The following SPATA4 variants were observed in gnomAD, a reference collection of about 807,000 sequenced individuals.
The protein encoded by SPATA4 is spermatogenesis associated 4, also known as spermatogenesis-associated protein 4.
Under a neutral mutation model 31.8 loss-of-function variants are expected in SPATA4, and 35 were observed. That is an observed-to-expected ratio of 1.10 (90% CI 0.84 to 1.46). The LOEUF (loss-of-function observed/expected upper bound fraction) is 1.46, where lower values mean the gene tolerates loss of function less well. Among genes scored for constraint, SPATA4 ranks in the 40% most tolerant of loss-of-function variants. The probability of loss-of-function intolerance (pLI) is 0.00; values close to 1 mark genes in which losing one functional copy is unlikely to be tolerated. For synonymous variants in SPATA4, 126 were observed against 132.4 expected, an observed-to-expected ratio of 0.95 and a Z score of 0.33; for missense variants, 394 against 363.1, an observed-to-expected ratio of 1.09 and a Z score of -0.69.
At chr4:176,185,014 A>C (rs1752419155) in intron 5 of SPATA4, 122 bp from the exon 6 acceptor site, 2 of 512,444 alleles carry the variant, frequency 3.9e-6, no homozygotes, top group Admixed American at 3.8e-5. Flanking sequence ...AAGCACAGTT[A>C]ATCTAAATGC....
intron 5 of SPATA4, among the ~76,000 whole-genome samples, chr4:176,187,357 C>G (rs1239198468): frequency 6.6e-6 from 1 of 151,896 alleles, no homozygotes; most frequent in Non-Finnish European, 1.5e-5. Flanking sequence ...GAAATCCTAG[C>G]AGTTTGGGAG....
intron 4 of SPATA4, among the ~76,000 whole-genome samples, chr4:176,190,166 G>A (rs1388707759): frequency 1.3e-5 from 2 of 152,124 alleles, no homozygotes; most frequent in African/African-American, 4.8e-5. Context: ...GCGGCACTGG[G>A]CTGTCTGCCT....
Position 176,193,037 on chromosome 4 carries a change from T to A in SPATA4, c.388A>T (p.Ile130Phe). Residue 130 changes from isoleucine to phenylalanine, a missense_variant, in exon 3 of 6, where the codon ATC (isoleucine) becomes TTC (phenylalanine). By Grantham distance (21) the Ile-to-Phe change is conservative. Transcript: ENST00000280191. The stretch of plus-strand genomic sequence containing the variant: ...GCTTTACAATGAATTGTTCCATGGA[T>A]TAGTTCTTTAGGTAATTTAAATTTT... Reference protein sequence around the residue: ...RKKFKLPKELIHGTIHCKAGV... With the variant: ...RKKFKLPKELFHGTIHCKAGV... The A allele has an allele frequency of 6.2e-7, 1 of 1,607,054 alleles. No homozygotes were observed. The highest frequency in any genetic ancestry group is 8.5e-7 in the Non-Finnish European group (1 of 1,178,044).
chr4:176,194,015 G>A (rs1752573811), intron 1 of SPATA4: 1 of 166,190 alleles, frequency 6.0e-6, no homozygotes, highest in African/African-American at 2.4e-5. Flanking sequence ...CTTTTAAATT[G>A]TACTCTGTTC....
At chr4:176,185,949 A>G (rs1289503326) in intron 5 of SPATA4, among the ~76,000 whole-genome samples, 1 of 152,218 alleles carries the variant, frequency 6.6e-6, no homozygotes, top group Non-Finnish European at 1.5e-5. Context: ...TAAAAGAGCA[A>G]CCAGAGAATC....
intron 5 of SPATA4, among the ~76,000 whole-genome samples, chr4:176,186,804 A>G (rs551837329): frequency 2.6e-5 from 4 of 151,934 alleles, no homozygotes; most frequent in Non-Finnish European, 5.9e-5. Context: ...ATATTAGCAT[A>G]TTAAAGGTTC....
chr4:176,184,770 C>G lies in SPATA4; in HGVS notation c.*10G>C. 1 of 1,549,074 alleles carries G rather than the reference C, an allele frequency of 6.5e-7. No individual in the cohort carries two copies. Among genetic ancestry groups the G allele is most frequent in the Non-Finnish European group, 8.8e-7 (1 of 1,137,014 alleles). On this transcript the variant is annotated 3_prime_UTR_variant, in exon 6 of 6. Coordinates refer to ENST00000280191, the MANE Select transcript of SPATA4 (RefSeq NM_144644.4). Reference sequence around the variant, plus strand: ...GCATCACTTCTTCAAAGCCATTTGACAGGTGCTTTTCAAGGTTTCTTGTCC... The same window carrying G: ...GCATCACTTCTTCAAAGCCATTTGAGAGGTGCTTTTCAAGGTTTCTTGTCC...
intron 5 of SPATA4, 63 bp downstream of exon 5, chr4:176,188,056 C>T (rs751288136): frequency 8.5e-5 from 104 of 1,223,344 alleles, no homozygotes; most frequent in Non-Finnish European, 1.2e-4. Context: ...TTTTTTAAAA[C>T]TTTAATTGAA....
intron 4 of SPATA4, among the ~76,000 whole-genome samples, chr4:176,191,140 G>A (rs1752520776): frequency 2.0e-5 from 3 of 149,070 alleles, no homozygotes; most frequent in Non-Finnish European, 4.4e-5. Context: ...TTATCACCCA[G>A]GCTGGAGTGC....
Position 176,184,676 on chromosome 4 carries a change from ACT to A in SPATA4, c.*102_*103del. ...TTAACACAATTATGGAAAAGACACC[ACT>A]CTATTTATTATTGAAATACATCCAA... On this transcript the variant is annotated 3_prime_UTR_variant, in exon 6 of 6. Transcript: ENST00000280191. 1 of 544,532 alleles carries A rather than the reference ACT, an allele frequency of 1.8e-6. No homozygotes were observed. Among genetic ancestry groups the A allele is most frequent in the Non-Finnish European group, 3.1e-6 (1 of 320,472 alleles). 33.7% of individuals were successfully genotyped at this position (544,532 alleles called of 1,614,324 possible).
In SPATA4 at chr4:176,188,153, T is replaced by A; in HGVS notation, c.771A>T (p.Leu257Phe). Residue 257 changes from leucine to phenylalanine, a missense_variant, in exon 5 of 6, where the codon TTA becomes TTT. Transcript: ENST00000280191. ...GGACAACTCTTCCTCTTTTAACTTT[T>A]AAATTATATCTGCGCCCAGAGGCTT... ...PAQASGRRYN[L>F]KVKRGRVVPV... 2 of 1,613,624 alleles carry A rather than the reference T, an allele frequency of 1.2e-6. No individual in the cohort carries two copies. Among genetic ancestry groups the A allele is most frequent in the Non-Finnish European group, 1.7e-6 (2 of 1,179,838 alleles).
In SPATA4 at chr4:176,192,630, GATT is replaced by G; in HGVS notation, c.682_684del (p.Asn228del). The stretch of plus-strand genomic sequence containing the variant: ...GCTGTTTCAAAGGAAAACTTACCTG[GATT>G]CAATTTTCTGCCTAATTTTCTTTGC... On this transcript the variant is annotated inframe_deletion, in exon 4 of 6. Transcript: ENST00000280191. The G allele has an allele frequency of 6.2e-7, 1 of 1,613,482 alleles. No individual in the cohort carries two copies. The highest frequency in any genetic ancestry group is 2.2e-5 in the East Asian group (1 of 44,860).
At chr4:176,185,669 G>A (rs1469239025) in intron 5 of SPATA4, among the ~76,000 whole-genome samples, 2 of 152,122 alleles carry the variant, frequency 1.3e-5, no homozygotes, top group African/African-American at 4.8e-5. Context: ...AAACTGAAAT[G>A]AAGTCCTTTG....
chr4:176,186,478 C>T (rs529647822), intron 5 of SPATA4, among the ~76,000 whole-genome samples: 1 of 152,296 alleles, frequency 6.6e-6, no homozygotes, highest in East Asian at 1.9e-4. Context: ...ATGTCACCAA[C>T]AGAAGAAGGT....
At chr4:176,190,629 A>G (rs192601770) in intron 4 of SPATA4, among the ~76,000 whole-genome samples, 1 of 152,254 alleles carries the variant, frequency 6.6e-6, no homozygotes, top group Admixed American at 6.5e-5. Flanking sequence ...GCCCCTGTTT[A>G]TTGCCTGGCT....
chr4:176,186,841 T>A (rs1055528489), intron 5 of SPATA4, among the ~76,000 whole-genome samples: 1 of 152,164 alleles, frequency 6.6e-6, no homozygotes, highest in African/African-American at 2.4e-5. Flanking sequence ...TTTTTTGTTT[T>A]TTTAAAAAAA....
chr4:176,188,335 T>A, intron 4 of SPATA4, 100 bp from the exon 5 acceptor site: 1 of 770,336 alleles, frequency 1.3e-6, no homozygotes, highest in Non-Finnish European at 2.1e-6. Context: ...TATTTAAATT[T>A]CTGTTTATCA....
chr4:176,195,261 G>A, intron 1 of SPATA4, 84 bp downstream of exon 1: 1 of 1,360,376 alleles, frequency 7.4e-7, no homozygotes, highest in Non-Finnish European at 1.0e-6. Flanking sequence ...AGCCAGGCCA[G>A]GGTAGGCAAT....
intron 4 of SPATA4, among the ~76,000 whole-genome samples, chr4:176,191,188 T>C (rs561658246): frequency 5.5e-4 from 84 of 151,536 alleles, no homozygotes; most frequent in Non-Finnish European, 1.1e-3. Context: ...CTAAGCCTCC[T>C]GGGTTCAAGC....
Sources: gnomAD v4.1 joint callset for allele counts (sites outside exome capture counted in the v4.1 genomes callset) on GRCh38, gnomAD v4.1.1 for gene constraint, MANE v1.5 for transcripts, NCBI Gene and HGNC (gene_info 2026-07-23, HGNC 2026-07-21) for gene names.